The following EPS8 variants were observed in gnomAD, a reference collection of about 807,000 sequenced individuals.
EPS8 encodes the protein epidermal growth factor receptor kinase substrate 8.
EPS8 carries 42 observed loss-of-function variants against 103.8 expected under a neutral mutation model. The ratio of observed to expected loss-of-function variants is 0.40; its 90% confidence interval spans 0.32 to 0.52. The LOEUF is 0.52. Among genes scored for constraint, EPS8 ranks in the 20% least tolerant of loss-of-function variants. The probability of loss-of-function intolerance (pLI) is 0.40; values close to 1 mark genes in which losing one functional copy is unlikely to be tolerated. For synonymous variants in EPS8, 344 were observed against 344.6 expected (o/e 1.00, Z 0.02); for missense variants, 969 against 1,005.1 (o/e 0.96, Z 0.49).
chr12:15,637,045 G>A (rs958226382), intron 17 of EPS8, among the ~76,000 whole-genome samples: 4 of 152,178 alleles, frequency 2.6e-5, no homozygotes, highest in African/African-American at 9.7e-5. Flanking sequence ...GTTTTGAGAC[G>A]GAGTCTCGCT....
intron 1 of EPS8, among the ~76,000 whole-genome samples, chr12:15,755,296 A>G (rs1372652052): frequency 6.6e-6 from 1 of 152,196 alleles, no homozygotes. Context: ...CTTGACATGA[A>G]ATCTTACATG....
intron 15 of EPS8, among the ~76,000 whole-genome samples, chr12:15,646,628 A>G (rs1335005508): frequency 1.3e-5 from 2 of 152,252 alleles, no homozygotes; most frequent in Non-Finnish European, 1.5e-5. Context: ...GTAAAACTGG[A>G]AAGTCAAGAT....
chr12:15,771,566 T>C lies in EPS8; in HGVS notation c.-22+17595A>G, dbSNP rs1230255651. 6.6e-6 allele frequency among the ~76,000 whole-genome samples: 1 copy of C among 152,110 alleles called. No individual in the cohort carries two copies. Among genetic ancestry groups the C allele is most frequent in the Non-Finnish European group, 1.5e-5 (1 of 68,014 alleles). On this transcript the variant is annotated intron_variant, in intron 1 of 20. Transcript: ENST00000281172. The surrounding 1 kb of genome is among the most constrained non-coding windows in gnomAD (Gnocchi z 4.6). Reference sequence around the variant, plus strand: ...AGAAGGGGCAAAGGCGAGGGTTAACTTTAATGTGAAAGCAGCAAAATCTGG... The same window carrying C: ...AGAAGGGGCAAAGGCGAGGGTTAACCTTAATGTGAAAGCAGCAAAATCTGG...
intron 13 of EPS8, among the ~76,000 whole-genome samples, chr12:15,651,367 T>A (rs1436925317): frequency 6.6e-6 from 1 of 152,162 alleles, no homozygotes; most frequent in Non-Finnish European, 1.5e-5. Context: ...GAGCACAAAC[T>A]TCTCTAACAT....
At chr12:15,679,104 C>G (rs1270871438) in intron 3 of EPS8, among the ~76,000 whole-genome samples, 1 of 152,010 alleles carries the variant, frequency 6.6e-6, no homozygotes. Flanking sequence ...TACTCTTTCT[C>G]CTTATTAAAA....
At position 15,624,256 on chromosome 12, in the gene EPS8, C is replaced by T. The variant is rs780501017; in HGVS notation, c.2196G>A (p.Thr732=). Residue 732 remains threonine (T), a synonymous_variant, in exon 19 of 21, where the codon ACG becomes ACA. Coordinates refer to ENST00000281172, the MANE Select transcript of EPS8 (RefSeq NM_004447.6). ...GGTTGAATCCCTTTGACTGTAACCACGTCTTCACATCCTCTGGTGTGGAGT... is the reference window on the plus strand; with the variant it reads ...GGTTGAATCCCTTTGACTGTAACCATGTCTTCACATCCTCTGGTGTGGAGT... ...TYDSTPEDVK[T]WLQSKGFNPV... 1.1e-5 allele frequency: 17 copies of T among 1,613,638 alleles called. No homozygotes were observed. The highest frequency in any genetic ancestry group is 2.7e-5 in the African/African-American group (2 of 74,920).
At position 15,784,929 on chromosome 12, in the gene EPS8, A is replaced by T. The variant is rs1013207996; in HGVS notation, c.-22+4232T>A. Among the ~76,000 whole-genome samples, 15 of 152,128 alleles carry T rather than the reference A, an allele frequency of 9.9e-5. No homozygotes were observed. Among genetic ancestry groups the T allele is most frequent in the African/African-American group, 3.1e-4 (13 of 41,454 alleles). ...AAAGGCAAAAGTAAAGAGACAGTAA[A>T]AAGATACGTGGTTTTCTGGGAGAGG... On this transcript the variant is annotated intron_variant, in intron 1 of 20. Coordinates refer to ENST00000281172, the MANE Select transcript of EPS8 (RefSeq NM_004447.6). The surrounding 1 kb of genome is among the most constrained non-coding windows in gnomAD (Gnocchi z 4.0).
In EPS8 at chr12:15,622,694, G is replaced by A. The variant is rs528776385; in HGVS notation, c.2355+464C>T. ...CTATTTTCAGTGATCTCTACCTAAT[G>A]TATCTTTCCCGATTATTGAGATGTA... On this transcript the variant is annotated intron_variant, in intron 20 of 20. Coordinates refer to ENST00000281172, the MANE Select transcript of EPS8 (RefSeq NM_004447.6). 3.8e-4 allele frequency among the ~76,000 whole-genome samples: 57 copies of A among 151,634 alleles called. 1 individual carries two copies. In the South Asian group the frequency reaches 0.011, roughly 30 times the overall value.
chr12:15,691,917 G>A (rs1183902874), intron 1 of EPS8, among the ~76,000 whole-genome samples: 1 of 151,962 alleles, frequency 6.6e-6, no homozygotes, highest in African/African-American at 2.4e-5. Flanking sequence ...CAGAAGTGGA[G>A]CCCTCCTTTC....
Position 15,700,378 on chromosome 12 carries a change from T to C in EPS8, c.-21-17406A>G, listed in dbSNP as rs1013996361. On this transcript the variant is annotated intron_variant, in intron 1 of 20. Coordinates refer to ENST00000281172, the MANE Select transcript of EPS8 (RefSeq NM_004447.6). The surrounding 1 kb of genome is among the most constrained non-coding windows in gnomAD (Gnocchi z 5.1). ...ACTGAAATTGTGCTATAAAGAGTTA[T>C]ATGTGTGGGCTAAAAGAGAAGTCAT... Among the ~76,000 whole-genome samples the C allele has an allele frequency of 1.3e-5, 2 of 152,202 alleles. No individual in the cohort carries two copies. The highest frequency in any genetic ancestry group is 6.5e-5 in the Admixed American group (1 of 15,276).
chr12:15,686,193 T>A (rs1946092746), intron 1 of EPS8, among the ~76,000 whole-genome samples: 1 of 152,214 alleles, frequency 6.6e-6, no homozygotes, highest in South Asian at 2.1e-4. Flanking sequence ...GATGATCCAC[T>A]TCTATTTCAT....
intron 1 of EPS8, among the ~76,000 whole-genome samples, chr12:15,691,073 T>A (rs1946164803): frequency 6.6e-6 from 1 of 151,902 alleles, no homozygotes; most frequent in African/African-American, 2.4e-5. Flanking sequence ...TAGGACAAAC[T>A]TTCCTTGAAG....
At chr12:15,774,575 T>G (rs200378082) in intron 1 of EPS8, among the ~76,000 whole-genome samples, 3 of 146,414 alleles carry the variant, frequency 2.0e-5, no homozygotes, top group Non-Finnish European at 4.5e-5. Context: ...TATATATATA[T>G]ACACATATAA....
chr12:15,741,375 G>A (rs1308964811), intron 1 of EPS8, among the ~76,000 whole-genome samples: 1 of 152,104 alleles, frequency 6.6e-6, no homozygotes, highest in African/African-American at 2.4e-5. Context: ...GCCACTTTAG[G>A]TGGGTGACTC....
rs55693372 is a variant in EPS8 at position 15,772,596 on chromosome 12, C to A, written c.-22+16565G>T. On this transcript the variant is annotated intron_variant, in intron 1 of 20. Transcript: ENST00000281172. This position sits in a 1 kb window ranked among gnomAD's most constrained non-coding sequence, Gnocchi z 5.0. ...AAGCATTGGCTCTCACTGCTGCCAACAGATGGTGCTAGAACTTACTTGAGA... is the reference window on the plus strand; with the variant it reads ...AAGCATTGGCTCTCACTGCTGCCAAAAGATGGTGCTAGAACTTACTTGAGA... Among the ~76,000 whole-genome samples, 3,087 of 152,252 alleles carry A rather than the reference C, an allele frequency of 0.02. 103 individuals carry two copies. Among genetic ancestry groups the A allele is most frequent in the African/African-American group, 0.07 (2,921 of 41,530 alleles).
At chr12:15,627,004 C>T (rs1944958423) in intron 18 of EPS8, among the ~76,000 whole-genome samples, 1 of 151,940 alleles carries the variant, frequency 6.6e-6, no homozygotes, top group African/African-American at 2.4e-5. Flanking sequence ...TTTTGTCTAT[C>T]ATCTTTTTTT....
At chr12:15,622,303 G>A (rs1944872972) in intron 20 of EPS8, among the ~76,000 whole-genome samples, 1 of 152,176 alleles carries the variant, frequency 6.6e-6, no homozygotes, top group African/African-American at 2.4e-5. Flanking sequence ...GAGCCTTCAA[G>A]ATCAATGTTG....
chr12:15,632,159 CTT>C (rs1311318250), intron 17 of EPS8, among the ~76,000 whole-genome samples: 1 of 151,936 alleles, frequency 6.6e-6, no homozygotes, highest in Non-Finnish European at 1.5e-5. Context: ...CAAGGCATAA[CTT>C]TTTCTGCCAT....
At chr12:15,737,100 G>C (rs568056451) in intron 1 of EPS8, among the ~76,000 whole-genome samples, 36 of 152,238 alleles carry the variant, frequency 2.4e-4, no homozygotes, top group Non-Finnish European at 4.7e-4. Flanking sequence ...CTCATACCTA[G>C]TACCAGACAG....
Sources: allele counts gnomAD v4.1 joint callset (sites outside exome capture counted in the v4.1 genomes callset), GRCh38; gene constraint gnomAD v4.1.1; non-coding constraint Gnocchi (gnomAD v3.1); transcripts MANE v1.5; gene names NCBI Gene and HGNC (gene_info 2026-07-23, HGNC 2026-07-21).